NSD1: variants seen among roughly 807,000 people sequenced by gnomAD.
The protein encoded by NSD1 is nuclear receptor binding SET domain protein 1, also known as histone-lysine N-methyltransferase, H3 lysine-36 specific.
Under a neutral mutation model 242.7 loss-of-function variants are expected in NSD1, and 26 were observed. The observed-to-expected ratio is 0.11, with a 90% CI of 0.08 to 0.15. The LOEUF is 0.15. Ranked by LOEUF, NSD1 falls within the 10% of genes least tolerant of loss-of-function variation. The pLI is 1.00. For missense variants in NSD1, 2,495 were observed against 3,272.8 expected, an observed-to-expected ratio of 0.76 and a Z score of 5.80; for synonymous variants, 1,106 against 1,178.1, an observed-to-expected ratio of 0.94 and a Z score of 1.25.
At chr5:177,256,848 C>T in intron 12 of NSD1, 103 bp from the exon 13 acceptor site, 1 of 922,582 alleles carries the variant, frequency 1.1e-6, no homozygotes, top group Non-Finnish European at 1.8e-6. Flanking sequence ...CGATGTCAAA[C>T]CGATCAGTCC....
At chr5:177,185,768 T>C (rs1476678572) in intron 2 of NSD1, among the ~76,000 whole-genome samples, 6 of 77,052 alleles carry the variant, frequency 7.8e-5, no homozygotes, top group Non-Finnish European at 1.3e-4. Context: ...ATTTTATATA[T>C]TTATATATTA....
intron 2 of NSD1, among the ~76,000 whole-genome samples, chr5:177,154,084 A>G (rs116231854): frequency 0.029 from 4,349 of 152,256 alleles, 58 homozygotes; most frequent in Non-Finnish European, 0.034. Flanking sequence ...TCCCTGTCCA[A>G]GACGGCTCAC....
chr5:177,264,735 C>G (rs1025186367), intron 14 of NSD1: 4 of 701,298 alleles, frequency 5.7e-6, no homozygotes, highest in Non-Finnish European at 1.0e-5. Flanking sequence ...CCCTTTTGGC[C>G]GAAACTGCCA....
chr5:177,235,079 A>G (rs1463225652), intron 5 of NSD1, among the ~76,000 whole-genome samples: 1 of 152,218 alleles, frequency 6.6e-6, no homozygotes. Flanking sequence ...TTTACTGTTA[A>G]GTACTTATGT....
chr5:177,257,238 T>G, intron 13 of NSD1, 87 bp downstream of exon 13: 1 of 1,209,780 alleles, frequency 8.3e-7, no homozygotes, highest in Non-Finnish European at 1.2e-6. Flanking sequence ...CTTTTTTTTT[T>G]TTTTTTTTTG....
intron 8 of NSD1, 81 bp downstream of exon 8, chr5:177,239,946 T>C: frequency 3.6e-6 from 3 of 831,798 alleles, no homozygotes; most frequent in Non-Finnish European, 6.1e-6. Flanking sequence ...GTAGCAGTTA[T>C]AACATTGATG....
At chr5:177,254,488 C>T (rs1756260622) in intron 12 of NSD1, among the ~76,000 whole-genome samples, 1 of 152,122 alleles carries the variant, frequency 6.6e-6, no homozygotes, top group Non-Finnish European at 1.5e-5. Flanking sequence ...CAACCTCCAC[C>T]TCCTGGGTTC....
chr5:177,210,057 G>A lies in NSD1; in HGVS notation c.1658G>A (p.Arg553Lys), dbSNP rs778498183. 1.9e-6 allele frequency: 3 copies of A among 1,613,862 alleles called. No homozygotes were observed. In the East Asian group the frequency reaches 6.7e-5, roughly 36 times the overall value. The change falls in exon 5 of 23, where the codon AGG becomes AAG. Residue 553 changes from arginine (R) to lysine (K), a missense_variant. Around this residue, in one of 19 missense-constraint regions of NSD1, gnomAD observed 515 missense variants for 467.0 expected, o/e 1.10. Coordinates refer to ENST00000439151, the MANE Select transcript of NSD1 (RefSeq NM_022455.5). ...ACGCAGGCCTCTAATGAACTTTCCA[G>A]GATAGCAAATAGCCTCACAGGGTCC... ...SDTQASNELS[R>K]IANSLTGSNT...
chr5:177,207,708 G>A (rs1177468590), intron 4 of NSD1, among the ~76,000 whole-genome samples: 1 of 144,840 alleles, frequency 6.9e-6, no homozygotes, highest in Non-Finnish European at 1.5e-5. Context: ...GGGATTAAAG[G>A]TGTGAGCCAC....
At chr5:177,172,857 G>C (rs1289009145) in intron 2 of NSD1, among the ~76,000 whole-genome samples, 1 of 151,234 alleles carries the variant, frequency 6.6e-6, no homozygotes, top group African/African-American at 2.4e-5. Flanking sequence ...TGCTAGTTGG[G>C]AGGCTGAGGT....
At chr5:177,284,673 T>C (rs753814785) in intron 20 of NSD1, among the ~76,000 whole-genome samples, 1 of 152,242 alleles carries the variant, frequency 6.6e-6, no homozygotes, top group Non-Finnish European at 1.5e-5. Flanking sequence ...TTACCACTAA[T>C]AGGTTTGCTT....
intron 14 of NSD1, among the ~76,000 whole-genome samples, chr5:177,263,170 G>A (rs1014877037): frequency 6.6e-6 from 1 of 152,224 alleles, no homozygotes; most frequent in Non-Finnish European, 1.5e-5. Context: ...TGTCATGGAC[G>A]TGATCGTCAC....
At chr5:177,184,468 G>A (rs894283518) in intron 2 of NSD1, among the ~76,000 whole-genome samples, 18 of 151,794 alleles carry the variant, frequency 1.2e-4, no homozygotes, top group African/African-American at 4.4e-4. Flanking sequence ...ACTTTAATTT[G>A]ATTGTTATAT....
rs1338030444 is a variant in NSD1 at position 177,208,573 on chromosome 5, G to GC, written c.1237-1062dup. 4.7e-5 allele frequency among the ~76,000 whole-genome samples: 7 copies of GC among 150,124 alleles called. No individual in the cohort carries two copies. In the East Asian group the frequency reaches 1.4e-3, roughly 29 times the overall value. On this transcript the variant is annotated intron_variant, in intron 4 of 22. Transcript: ENST00000439151. ...GAAAGAGTCTTGCTCTGTCACCCAG[G>GC]CTGGAGTACAGTGGCGTGATCTCAG...
intron 6 of NSD1, among the ~76,000 whole-genome samples, chr5:177,237,810 G>A (rs1487201212): frequency 1.3e-5 from 2 of 152,120 alleles, no homozygotes; most frequent in Non-Finnish European, 2.9e-5. Context: ...TGGAATTACA[G>A]GCGTGAGCCA....
At chr5:177,219,474 C>T (rs917008928) in intron 5 of NSD1, among the ~76,000 whole-genome samples, 1 of 152,148 alleles carries the variant, frequency 6.6e-6, no homozygotes, top group Admixed American at 6.5e-5. Flanking sequence ...CGTGAGCCAC[C>T]GCGCCCGGCC....
intron 2 of NSD1, among the ~76,000 whole-genome samples, chr5:177,147,521 C>T (rs1353300021): frequency 6.6e-6 from 1 of 151,902 alleles, no homozygotes; most frequent in Admixed American, 6.6e-5. Context: ...TTGGGATTGT[C>T]TTTTTTTCCC....
intron 2 of NSD1, among the ~76,000 whole-genome samples, chr5:177,179,364 C>T (rs1294737000): frequency 6.6e-6 from 1 of 151,938 alleles, no homozygotes; most frequent in African/African-American, 2.4e-5. Context: ...TATAGGCATG[C>T]GCCACCACGC....
At chr5:177,256,246 T>C (rs1222768516) in intron 12 of NSD1, among the ~76,000 whole-genome samples, 1 of 151,694 alleles carries the variant, frequency 6.6e-6, no homozygotes, top group East Asian at 1.9e-4. Context: ...CTTAAGTTTC[T>C]ACTTATCTTT....
Sources: gnomAD v4.1 joint callset for allele counts (sites outside exome capture counted in the v4.1 genomes callset) on GRCh38, gnomAD v4.1.1 for gene constraint, gnomAD v4.1.1 regional missense constraint, MANE v1.5 for transcripts, NCBI Gene and HGNC (gene_info 2026-07-23, HGNC 2026-07-21) for gene names.